Variants in CDIN1 observed in about 807,000 individuals in gnomAD.
CDIN1 encodes the protein CDAN1 interacting nuclease 1.
Under a neutral mutation model 45.3 loss-of-function variants are expected in CDIN1, and 33 were observed. The ratio of observed to expected loss-of-function variants is 0.73; its 90% CI spans 0.55 to 0.97. The LOEUF (loss-of-function observed/expected upper bound fraction) is 0.97, where lower values mean the gene tolerates loss of function less well. CDIN1 is among the 50% of genes least tolerant of loss of function. CDIN1 has a pLI of 0.00. For synonymous variants in CDIN1, 118 were observed against 124.4 expected, an observed-to-expected ratio of 0.95 and a Z score of 0.34; for missense variants, 303 against 339.4, an observed-to-expected ratio of 0.89 and a Z score of 0.84.
At chr15:36,672,266 CAAGTTTTGA>C (rs990255741) in intron 5 of CDIN1, among the ~76,000 whole-genome samples, 44 of 151,758 alleles carry the variant, frequency 2.9e-4, no homozygotes, top group Middle Eastern at 3.4e-3. Flanking sequence ...TGAAAGAAAA[CAAGTTTTGA>C]AATTTTAAAC....
At chr15:36,795,026 C>T (rs1283371718) in intron 10 of CDIN1, among the ~76,000 whole-genome samples, 1 of 151,392 alleles carries the variant, frequency 6.6e-6, no homozygotes, top group South Asian at 2.1e-4. Context: ...TGAAATAAGC[C>T]AGGCACAGAA....
chr15:36,645,635 A>G (rs551691773), intron 3 of CDIN1, among the ~76,000 whole-genome samples: 11 of 152,256 alleles, frequency 7.2e-5, no homozygotes, highest in Admixed American at 6.5e-4. Flanking sequence ...GCTCATATAT[A>G]CATATATCTA....
chr15:36,693,475 CATAT>C (rs1300575708), intron 7 of CDIN1, among the ~76,000 whole-genome samples: 1 of 152,158 alleles, frequency 6.6e-6, no homozygotes, highest in Non-Finnish European at 1.5e-5. Flanking sequence ...TTAGCACATT[CATAT>C]ATCAACTAAC....
chr15:36,784,848 G>T (rs149865663), intron 10 of CDIN1, among the ~76,000 whole-genome samples: 1 of 152,198 alleles, frequency 6.6e-6, no homozygotes, highest in East Asian at 1.9e-4. Context: ...TGGTGCTCTT[G>T]CTAGAAATAG....
chr15:36,806,358 C>T (rs1452545543), intron 10 of CDIN1, among the ~76,000 whole-genome samples: 1 of 152,150 alleles, frequency 6.6e-6, no homozygotes, highest in Non-Finnish European at 1.5e-5. Context: ...AGGCTGCTCT[C>T]ACTTGCTCAG....
intron 10 of CDIN1, among the ~76,000 whole-genome samples, chr15:36,777,171 A>G (rs2054240503): frequency 6.6e-6 from 1 of 152,166 alleles, no homozygotes; most frequent in African/African-American, 2.4e-5. Flanking sequence ...TAATAGGTCC[A>G]TCAGCAATAT....
At chr15:36,725,333 T>C (rs1239286287) in intron 10 of CDIN1, among the ~76,000 whole-genome samples, 5 of 150,718 alleles carry the variant, frequency 3.3e-5, no homozygotes, top group African/African-American at 1.2e-4. Flanking sequence ...TTTTTTTTTT[T>C]CCAGTTACCA....
At chr15:36,613,352 A>G (rs2038738624) in intron 1 of CDIN1, 1 of 758,490 alleles carries the variant, frequency 1.3e-6, no homozygotes. Flanking sequence ...ACGTAAAGTT[A>G]AAAAGATGTA....
Position 36,579,790 on chromosome 15 carries a change from C to G in CDIN1, c.-71C>G, listed in dbSNP as rs560283289. The G allele has an allele frequency of 1.7e-5, 22 of 1,297,978 alleles. No homozygotes were observed. The highest frequency in any genetic ancestry group is 2.3e-5 in the Non-Finnish European group (21 of 928,714). The allele number at this position is 1,297,978 out of a possible 1,614,324, so 80.4% of individuals were successfully genotyped here. ...GCCGCTTTGCCTACCCCTCATCCCT[C>G]GGCACCAAGGCTACTTGAGCCCCAG... On this transcript the variant is annotated 5_prime_UTR_variant, in exon 1 of 11. Coordinates refer to ENST00000566621, the MANE Select transcript of CDIN1 (RefSeq NM_001321759.2).
chr15:36,602,548 C>T (rs912285240), intron 1 of CDIN1, among the ~76,000 whole-genome samples: 2 of 152,192 alleles, frequency 1.3e-5, no homozygotes, highest in Non-Finnish European at 2.9e-5. Flanking sequence ...AATTCAATAA[C>T]AATAAATCCT....
chr15:36,695,318 A>T (rs2042383235), intron 7 of CDIN1, among the ~76,000 whole-genome samples: 1 of 152,188 alleles, frequency 6.6e-6, no homozygotes, highest in Non-Finnish European at 1.5e-5. Flanking sequence ...TGACGTTATC[A>T]GTGAAAAGGA....
At chr15:36,748,852 G>T (rs1269912085) in intron 10 of CDIN1, among the ~76,000 whole-genome samples, 1 of 152,134 alleles carries the variant, frequency 6.6e-6, no homozygotes, top group African/African-American at 2.4e-5. Flanking sequence ...AAATGCTAAA[G>T]GTTGTAATCT....
intron 1 of CDIN1, among the ~76,000 whole-genome samples, chr15:36,608,003 C>T (rs2038462178): frequency 6.6e-6 from 1 of 152,128 alleles, no homozygotes. Context: ...TTTTGGGATT[C>T]ATTCGTGTTG....
At chr15:36,711,220 G>A (rs972333199) in intron 10 of CDIN1, among the ~76,000 whole-genome samples, 1 of 151,992 alleles carries the variant, frequency 6.6e-6, no homozygotes, top group Non-Finnish European at 1.5e-5. Flanking sequence ...GCAATGACAG[G>A]AAAATCAAAT....
chr15:36,611,629 T>C (rs1398321194), intron 1 of CDIN1, among the ~76,000 whole-genome samples: 3 of 152,220 alleles, frequency 2.0e-5, no homozygotes, highest in Non-Finnish European at 4.4e-5. Context: ...GTATTATCAT[T>C]ATCTTGAAAG....
intron 1 of CDIN1, among the ~76,000 whole-genome samples, chr15:36,595,996 A>G (rs2037808459): frequency 6.6e-6 from 1 of 152,192 alleles, no homozygotes; most frequent in Non-Finnish European, 1.5e-5. Context: ...AATGAAGAAA[A>G]TTTAGTTTCC....
intron 10 of CDIN1, among the ~76,000 whole-genome samples, chr15:36,715,971 C>T (rs1363137331): frequency 1.3e-5 from 2 of 152,064 alleles, no homozygotes; most frequent in Admixed American, 1.3e-4. Context: ...ATATTTTCTG[C>T]CATCATTCAT....
At chr15:36,735,658 A>T (rs1408242442) in intron 10 of CDIN1, among the ~76,000 whole-genome samples, 1 of 150,646 alleles carries the variant, frequency 6.6e-6, no homozygotes, top group East Asian at 2.0e-4. Context: ...TTATTCATAC[A>T]CATTATTTCT....
intron 10 of CDIN1, among the ~76,000 whole-genome samples, chr15:36,729,124 T>C (rs1371526569): frequency 1.3e-5 from 2 of 152,234 alleles, no homozygotes; most frequent in Non-Finnish European, 2.9e-5. Context: ...TTGTGCTATT[T>C]ATAAAATTTG....
Sources: gnomAD v4.1 joint callset for allele counts (sites outside exome capture counted in the v4.1 genomes callset) on GRCh38, gnomAD v4.1.1 for gene constraint, MANE v1.5 for transcripts, NCBI Gene and HGNC (gene_info 2026-07-23, HGNC 2026-07-21) for gene names.